The following DNAH12 variants were observed in gnomAD, a reference collection of about 807,000 sequenced individuals.
DNAH12 encodes the protein axonemal beta dynein heavy chain 12.
DNAH12 carries 285 observed loss-of-function variants against 371.5 expected under a neutral mutation model. That is an observed-to-expected ratio of 0.77 (90% CI 0.70 to 0.85). DNAH12 has a LOEUF of 0.85. DNAH12 is among the 40% of genes least tolerant of loss of function. DNAH12 has a pLI of 0.00. For missense variants in DNAH12, 3,611 were observed against 3,689.4 expected, an observed-to-expected ratio of 0.98 and a Z score of 0.55; for synonymous variants, 1,200 against 1,213.0, an observed-to-expected ratio of 0.99 and a Z score of 0.22.
At chr3:57,328,249 A>G (rs895737087) in intron 62 of DNAH12, among the ~76,000 whole-genome samples, 3 of 151,844 alleles carry the variant, frequency 2.0e-5, no homozygotes, top group African/African-American at 4.8e-5. Flanking sequence ...CCTGGCAGAG[A>G]CACAACCAAA....
At chr3:57,509,971 C>T (rs1275384019) in intron 5 of DNAH12, among the ~76,000 whole-genome samples, 2 of 149,784 alleles carry the variant, frequency 1.3e-5, no homozygotes, top group Non-Finnish European at 3.0e-5. Context: ...ATTTTATGTT[C>T]CCACCACACA....
chr3:57,393,391 GC>G (rs1403914553), intron 44 of DNAH12, among the ~76,000 whole-genome samples: 1 of 152,028 alleles, frequency 6.6e-6, no homozygotes, highest in Non-Finnish European at 1.5e-5. Flanking sequence ...ACTTTGGGGG[GC>G]CGAGGCAGGC....
chr3:57,431,217 CCT>C (rs34261492), intron 32 of DNAH12, among the ~76,000 whole-genome samples: 28,523 of 152,062 alleles, frequency 0.19, 2,892 homozygotes, highest in African/African-American at 0.24. Flanking sequence ...AGTGACAACC[CCT>C]GTTTTTTCCC....
At chr3:57,429,284 C>T (rs1333015810) in intron 33 of DNAH12, among the ~76,000 whole-genome samples, 1 of 152,060 alleles carries the variant, frequency 6.6e-6, no homozygotes, top group African/African-American at 2.4e-5. Flanking sequence ...TCAAGCGATT[C>T]TCCTGCCTCA....
At chr3:57,448,101 AAT>A (rs1424401619) in intron 25 of DNAH12, among the ~76,000 whole-genome samples, 1 of 152,342 alleles carries the variant, frequency 6.6e-6, no homozygotes, top group East Asian at 1.9e-4. Context: ...TATTGTGAAT[AAT>A]AAATATACTA....
At chr3:57,323,986 GGCCATGTGACT>G (rs2061872382) in intron 62 of DNAH12, among the ~76,000 whole-genome samples, 1 of 152,146 alleles carries the variant, frequency 6.6e-6, no homozygotes, top group East Asian at 1.9e-4. Flanking sequence ...CAGGTAATGT[GGCCATGTGACT>G]AAGTTTTGGC....
Position 57,454,774 on chromosome 3 carries a change from C to T in DNAH12, c.3456+1G>A. The T allele has an allele frequency of 6.4e-7, 1 of 1,550,862 alleles. No individual in the cohort carries two copies. Among genetic ancestry groups the T allele is most frequent in the Non-Finnish European group, 8.7e-7 (1 of 1,146,674 alleles). ...TTACTTAAAAGCAAACAATGCTTTA[C>T]CTCCGTCCCGCCACTTATCACTTCC... is the stretch of plus-strand genomic sequence containing the variant. On this transcript the variant is annotated splice_donor_variant, in intron 23 of 73. Coordinates refer to ENST00000495027, the MANE Select transcript of DNAH12 (RefSeq NM_001366028.2). LOFTEE classifies it high-confidence loss of function.
intron 62 of DNAH12, among the ~76,000 whole-genome samples, chr3:57,330,538 G>T (rs2062069554): frequency 7.6e-6 from 1 of 130,850 alleles, no homozygotes; most frequent in East Asian, 2.4e-4. Flanking sequence ...ACAGGAGGGG[G>T]AACATCACAC....
chr3:57,299,880 G>A (rs2061310760), intron 70 of DNAH12, among the ~76,000 whole-genome samples: 2 of 152,158 alleles, frequency 1.3e-5, no homozygotes, highest in East Asian at 1.9e-4. Context: ...AAAGGAGATC[G>A]ATAGGGTGAA....
At chr3:57,488,937 AGT>A (rs34379970) in intron 12 of DNAH12, among the ~76,000 whole-genome samples, 5,184 of 149,976 alleles carry the variant, frequency 0.035, 284 homozygotes, top group African/African-American at 0.11. Flanking sequence ...AGAAATCCAA[AGT>A]GTGTGTGTGT....
intron 70 of DNAH12, among the ~76,000 whole-genome samples, chr3:57,297,575 G>A (rs2107643901): frequency 6.6e-6 from 1 of 151,898 alleles, no homozygotes; most frequent in Admixed American, 6.6e-5. Context: ...AGGCTGGTCT[G>A]GAACTCCTGA....
chr3:57,511,575 T>TTAGA lies in DNAH12; in HGVS notation c.280-600_280-597dup, dbSNP rs544848252. On this transcript the variant is annotated intron_variant, in intron 4 of 73. Coordinates refer to ENST00000495027, the MANE Select transcript of DNAH12 (RefSeq NM_001366028.2). ...ATTATCTACATACATTTTTATGGAA[T>TTAGA]TAGATAAGTTGATCCTAAAGTTCAT... is the stretch of plus-strand genomic sequence containing the variant. 9.2e-5 allele frequency among the ~76,000 whole-genome samples: 14 copies of TTAGA among 152,282 alleles called. 1 individual carries two copies. The South Asian group carries it at 2.9e-3, about 32-fold the overall frequency.
chr3:57,525,588 CATGCT>C (rs2068617655), intron 2 of DNAH12, among the ~76,000 whole-genome samples: 1 of 152,008 alleles, frequency 6.6e-6, no homozygotes, highest in African/African-American at 2.4e-5. Context: ...TTGATACAGG[CATGCT>C]ATGCATAATA....
At chr3:57,502,853 G>A (rs1438842325) in intron 9 of DNAH12, among the ~76,000 whole-genome samples, 1 of 151,766 alleles carries the variant, frequency 6.6e-6, no homozygotes, top group Non-Finnish European at 1.5e-5. Context: ...CCTATTTTTT[G>A]TATTTTAGTA....
intron 34 of DNAH12, among the ~76,000 whole-genome samples, chr3:57,425,392 T>TG (rs2064734492): frequency 6.6e-6 from 1 of 150,432 alleles, no homozygotes; most frequent in Admixed American, 6.6e-5. Flanking sequence ...GGACTATAGG[T>TG]GAGCACCACC....
At chr3:57,522,640 C>T (rs1400005017) in intron 4 of DNAH12, among the ~76,000 whole-genome samples, 1 of 152,180 alleles carries the variant, frequency 6.6e-6, no homozygotes, top group African/African-American at 2.4e-5. Flanking sequence ...TTCACATCTT[C>T]AGCCTCTATC....
At chr3:57,311,824 C>G (rs1371116677) in intron 66 of DNAH12, among the ~76,000 whole-genome samples, 2 of 152,232 alleles carry the variant, frequency 1.3e-5, no homozygotes, top group African/African-American at 4.8e-5. Context: ...AAATCACACA[C>G]TATGACACAG....
chr3:57,461,700 G>A lies in DNAH12; in HGVS notation c.2536-11C>T. ...CTCTAATGAAAATTCCTAAAACGGA[G>A]GAATGAAGAAAGAACGGGATGGTGA... On this transcript the variant is annotated splice_polypyrimidine_tract_variant and intron_variant, in intron 18 of 73. Coordinates refer to ENST00000495027, the MANE Select transcript of DNAH12 (RefSeq NM_001366028.2). The A allele has an allele frequency of 6.5e-7, 1 of 1,547,336 alleles. No homozygotes were observed. Among genetic ancestry groups the A allele is most frequent in the Non-Finnish European group, 8.7e-7 (1 of 1,145,028 alleles).
intron 56 of DNAH12, among the ~76,000 whole-genome samples, chr3:57,367,322 C>T (rs2153333473): frequency 1.1e-5 from 1 of 91,118 alleles, no homozygotes; most frequent in African/African-American, 3.3e-5. Flanking sequence ...AAGACTCTGT[C>T]TCAAAATGAT....
Sources: allele counts gnomAD v4.1 joint callset (sites outside exome capture counted in the v4.1 genomes callset), GRCh38; gene constraint gnomAD v4.1.1; transcripts MANE v1.5; gene names NCBI Gene and HGNC (gene_info 2026-07-23, HGNC 2026-07-21).